Variants in PRKCE observed in about 807,000 individuals in gnomAD.
PRKCE encodes protein kinase C epsilon type.
A neutral mutation model predicts 85.4 loss-of-function variants in PRKCE; 16 were observed. That is an observed-to-expected ratio of 0.19 (90% CI 0.13 to 0.28). The LOEUF (loss-of-function observed/expected upper bound fraction) is 0.28, where lower values mean the gene tolerates loss of function less well. Among genes scored for constraint, PRKCE ranks in the 10% least tolerant of loss-of-function variants. The pLI, the probability that PRKCE is intolerant of heterozygous loss-of-function variation, is 1.00. For synonymous variants in PRKCE, 388 were observed against 371.5 expected (o/e 1.04, Z -0.51); for missense variants, 573 against 975.2 (o/e 0.59, Z 5.49).
At chr2:46,120,980 T>C (rs1673261693) in intron 11 of PRKCE, among the ~76,000 whole-genome samples, 2 of 152,224 alleles carry the variant, frequency 1.3e-5, no homozygotes, top group South Asian at 4.1e-4. Context: ...ACCTACATGA[T>C]CAGGAAGATG....
chr2:45,747,527 A>C (rs1280001315), intron 1 of PRKCE, among the ~76,000 whole-genome samples: 1 of 152,198 alleles, frequency 6.6e-6, no homozygotes, highest in East Asian at 1.9e-4. Context: ...GTGTTGTAGC[A>C]TATGTCAGAA....
chr2:45,744,179 A>C (rs989326898), intron 1 of PRKCE, among the ~76,000 whole-genome samples: 2 of 152,300 alleles, frequency 1.3e-5, no homozygotes, highest in Non-Finnish European at 1.5e-5. Context: ...GTTTGTCATG[A>C]GACATAATAG....
intron 1 of PRKCE, among the ~76,000 whole-genome samples, chr2:45,671,835 G>A (rs1412022808): frequency 1.3e-5 from 2 of 152,064 alleles, no homozygotes; most frequent in Admixed American, 6.5e-5. Context: ...TTGCGAGGCC[G>A]AGGCAGGGGG....
At chr2:46,129,960 T>C (rs1674257970) in intron 11 of PRKCE, among the ~76,000 whole-genome samples, 2 of 151,446 alleles carry the variant, frequency 1.3e-5, no homozygotes, top group Non-Finnish European at 2.9e-5. Flanking sequence ...AGCTAATCTC[T>C]GGCAATAAAA....
At chr2:46,125,288 A>G (rs910966560) in intron 11 of PRKCE, among the ~76,000 whole-genome samples, 1 of 152,180 alleles carries the variant, frequency 6.6e-6, no homozygotes, top group African/African-American at 2.4e-5. Flanking sequence ...CATCCCCGGT[A>G]TGTGGTTGAC....
chr2:45,922,728 G>C (rs1022124009), intron 2 of PRKCE, among the ~76,000 whole-genome samples: 5 of 152,200 alleles, frequency 3.3e-5, no homozygotes, highest in East Asian at 1.9e-4. Context: ...CCTCTGGCTC[G>C]TGTTGCTAAG....
rs368127640 is a variant in PRKCE at position 45,984,548 on chromosome 2, C to T, written c.694-3C>T. On this transcript the variant is annotated splice_region_variant and splice_polypyrimidine_tract_variant and intron_variant, in intron 5 of 14. Coordinates refer to ENST00000306156, the MANE Select transcript of PRKCE (RefSeq NM_005400.3). ...GTGAACCTGTATCTTGCCATCCCTG[C>T]AGGTGGGCTCCCAGCGGTTCAGCGT... 1.1e-5 allele frequency: 18 copies of T among 1,599,308 alleles called. No homozygotes were observed. Among genetic ancestry groups the T allele is most frequent in the Non-Finnish European group, 1.0e-5 (12 of 1,179,748 alleles).
At chr2:45,861,010 A>T (rs571764766) in intron 2 of PRKCE, among the ~76,000 whole-genome samples, 1 of 152,324 alleles carries the variant, frequency 6.6e-6, no homozygotes, top group East Asian at 1.9e-4. Context: ...CTGTTGCAGT[A>T]ACACTTTCAC....
chr2:45,970,302 A>G (rs1287136603), intron 2 of PRKCE, among the ~76,000 whole-genome samples: 1 of 152,224 alleles, frequency 6.6e-6, no homozygotes, highest in Non-Finnish European at 1.5e-5. Context: ...TTGCATTTCA[A>G]AATTCCTGAT....
chr2:45,718,062 C>T (rs149744816), intron 1 of PRKCE, among the ~76,000 whole-genome samples: 4 of 152,292 alleles, frequency 2.6e-5, no homozygotes, highest in East Asian at 3.9e-4. Context: ...GGATCAAGAC[C>T]ATGGGTTTAT....
chr2:46,091,887 T>A (rs184409428), intron 11 of PRKCE, among the ~76,000 whole-genome samples: 1 of 152,370 alleles, frequency 6.6e-6, no homozygotes, highest in South Asian at 2.1e-4. Context: ...TGTCCTTTTT[T>A]CTTCATTCTT....
chr2:45,768,226 C>CA (rs5830868), intron 1 of PRKCE, among the ~76,000 whole-genome samples: 29,935 of 152,196 alleles, frequency 0.2, 5,755 homozygotes, highest in African/African-American at 0.5. Flanking sequence ...GAAATCAAAA[C>CA]ACGAAAGAGC....
chr2:46,152,763 G>A (rs745473253), intron 13 of PRKCE, among the ~76,000 whole-genome samples: 2 of 151,828 alleles, frequency 1.3e-5, no homozygotes, highest in African/African-American at 2.4e-5. Context: ...TGGCCAGGCT[G>A]GTTCCGAACT....
At position 45,875,916 on chromosome 2, in the gene PRKCE, T is replaced by C. The variant is rs139805788; in HGVS notation, c.412+32853T>C. ...CAGATGTCCAGTCCTCAGAAAATGCTAAATAACTTTATTAATAGTGCAGAT... is the reference window on the plus strand; with the variant it reads ...CAGATGTCCAGTCCTCAGAAAATGCCAAATAACTTTATTAATAGTGCAGAT... On this transcript the variant is annotated intron_variant, in intron 2 of 14. Transcript: ENST00000306156. 1.5e-3 allele frequency among the ~76,000 whole-genome samples: 230 copies of C among 152,352 alleles called. 1 individual carries two copies. The highest frequency in any genetic ancestry group is 5.5e-3 in the African/African-American group (228 of 41,582).
At chr2:46,126,026 C>T (rs1277034833) in intron 11 of PRKCE, among the ~76,000 whole-genome samples, 1 of 152,224 alleles carries the variant, frequency 6.6e-6, no homozygotes, top group African/African-American at 2.4e-5. Flanking sequence ...TCCAACAGGT[C>T]AGTTCTTGCC....
chr2:45,899,927 T>C (rs938260477), intron 2 of PRKCE, among the ~76,000 whole-genome samples: 2 of 152,196 alleles, frequency 1.3e-5, no homozygotes, highest in Non-Finnish European at 2.9e-5. Context: ...CAGAAATAAA[T>C]CTTTCTTCTA....
intron 1 of PRKCE, among the ~76,000 whole-genome samples, chr2:45,768,195 T>C (rs1685057598): frequency 6.6e-6 from 1 of 151,204 alleles, no homozygotes; most frequent in African/African-American, 2.5e-5. Context: ...TTAGGAAATT[T>C]GACCATTTTC....
At chr2:45,966,841 G>A (rs1461668363) in intron 2 of PRKCE, among the ~76,000 whole-genome samples, 4 of 152,062 alleles carry the variant, frequency 2.6e-5, no homozygotes, top group Non-Finnish European at 5.9e-5. Context: ...GGGGCCACAA[G>A]GGAGCATCGG....
At chr2:45,852,947 T>C (rs11895929) in intron 2 of PRKCE, among the ~76,000 whole-genome samples, 57,333 of 152,010 alleles carry the variant, frequency 0.38, 12,975 homozygotes, top group African/African-American at 0.63. Context: ...CCAGGAGATG[T>C]CTGTGCTGCT....
Sources: allele counts gnomAD v4.1 joint callset (sites outside exome capture counted in the v4.1 genomes callset), GRCh38; gene constraint gnomAD v4.1.1; transcripts MANE v1.5; gene names NCBI Gene and HGNC (gene_info 2026-07-23, HGNC 2026-07-21).